NCKAP5: variants seen among roughly 807,000 people sequenced by gnomAD.
NCKAP5 encodes nck-associated protein 5.
Under a neutral mutation model 167.0 loss-of-function variants are expected in NCKAP5, and 92 were observed. The ratio of observed to expected loss-of-function variants is 0.55; its 90% CI spans 0.47 to 0.66. The LOEUF (loss-of-function observed/expected upper bound fraction) is 0.66. NCKAP5 is among the 30% of genes least tolerant of loss of function. NCKAP5 has a pLI of 0.00. For missense variants in NCKAP5, 2,378 were observed against 2,315.0 expected, an observed-to-expected ratio of 1.03 and a Z score of -0.56; for synonymous variants, 891 against 877.4, an observed-to-expected ratio of 1.02 and a Z score of -0.27.
intron 6 of NCKAP5, among the ~76,000 whole-genome samples, chr2:133,111,567 G>A (rs2081912912): frequency 6.6e-6 from 1 of 152,118 alleles, no homozygotes; most frequent in Admixed American, 6.5e-5. Flanking sequence ...ATGTGCACAG[G>A]TAGAACCTCA....
At chr2:133,035,812 GAAGAA>G (rs1417402383) in intron 6 of NCKAP5, among the ~76,000 whole-genome samples, 1 of 151,716 alleles carries the variant, frequency 6.6e-6, no homozygotes, top group Non-Finnish European at 1.5e-5. Context: ...AAAATTAGTA[GAAGAA>G]AAGAAATAAT....
At position 133,133,471 on chromosome 2, in the gene NCKAP5, A is replaced by G. The variant is rs558335844; in HGVS notation, c.208-3360T>C. 1.3e-5 allele frequency among the ~76,000 whole-genome samples: 2 copies of G among 152,324 alleles called. 1 individual carries two copies. Among genetic ancestry groups the G allele is most frequent in the South Asian group, 4.1e-4 (2 of 4,824 alleles). On this transcript the variant is annotated intron_variant, in intron 5 of 19. Coordinates refer to ENST00000409261, the MANE Select transcript of NCKAP5 (RefSeq NM_207363.3). Reference sequence around the variant, plus strand: ...AGCAAAGATCTCAAATCGCTGCACCAGAACACAAGCAACAGCTCAAAGGCT... The same window carrying G: ...AGCAAAGATCTCAAATCGCTGCACCGGAACACAAGCAACAGCTCAAAGGCT...
At chr2:132,980,357 C>A (rs2077097239) in intron 7 of NCKAP5, among the ~76,000 whole-genome samples, 1 of 152,112 alleles carries the variant, frequency 6.6e-6, no homozygotes, top group African/African-American at 2.4e-5. Flanking sequence ...AATCCTCATG[C>A]CCAGGCCACA....
the NCKAP5 span, among the ~76,000 whole-genome samples, chr2:133,662,881 G>A: frequency 6.6e-6 from 1 of 151,792 alleles, no homozygotes; most frequent in African/African-American, 2.4e-5. Context: ...CATATAGAAA[G>A]TGATGTTCAC....
chr2:132,847,549 T>C (rs1169622430), intron 11 of NCKAP5, among the ~76,000 whole-genome samples: 1 of 152,222 alleles, frequency 6.6e-6, no homozygotes. Context: ...ATCATCGCTT[T>C]TGGCAATGCT....
chr2:133,013,489 G>A (rs1242950152), intron 6 of NCKAP5, among the ~76,000 whole-genome samples: 1 of 152,162 alleles, frequency 6.6e-6, no homozygotes, highest in East Asian at 1.9e-4. Flanking sequence ...AGCTTGTGCA[G>A]GGAAATTCCC....
At chr2:133,157,313 ATTC>A (rs1442716414) in intron 5 of NCKAP5, among the ~76,000 whole-genome samples, 1 of 152,196 alleles carries the variant, frequency 6.6e-6, no homozygotes, top group Non-Finnish European at 1.5e-5. Flanking sequence ...CATTTGCTAC[ATTC>A]TTCTTCAGTG....
chr2:132,747,563 G>A (rs1395872213), intron 16 of NCKAP5, among the ~76,000 whole-genome samples: 1 of 110,800 alleles, frequency 9.0e-6, no homozygotes, highest in Non-Finnish European at 1.9e-5. Flanking sequence ...CAGTAGGGTG[G>A]GGATCCCTGG....
At chr2:133,399,751 T>C (rs558599801) in intron 3 of NCKAP5, among the ~76,000 whole-genome samples, 50 of 152,246 alleles carry the variant, frequency 3.3e-4, no homozygotes, top group African/African-American at 1.1e-3. Context: ...ACAGACTACA[T>C]AACACAGTAC....
At chr2:133,158,373 A>G (rs570406194) in intron 5 of NCKAP5, among the ~76,000 whole-genome samples, 164 of 152,282 alleles carry the variant, frequency 1.1e-3, no homozygotes, top group South Asian at 2.9e-3. Context: ...TCTTCCATTT[A>G]TTTTTAAGAA....
chr2:133,671,740 C>A, the NCKAP5 span, among the ~76,000 whole-genome samples: 1 of 151,580 alleles, frequency 6.6e-6, no homozygotes, highest in Non-Finnish European at 1.5e-5. Context: ...CTGGTATACA[C>A]AACAACAACA....
Position 132,784,802 on chromosome 2 carries a change from A to G in NCKAP5, c.2009T>C (p.Ile670Thr). 5.0e-6 allele frequency: 8 copies of G among 1,599,464 alleles called. No homozygotes were observed. The highest frequency in any genetic ancestry group is 6.8e-6 in the Non-Finnish European group (8 of 1,171,288). ...GGGCTCACCGTCTTCCGCATCAAATATCACAGTCACACATTCTTCTGAAGA... is the reference window on the plus strand; with the variant it reads ...GGGCTCACCGTCTTCCGCATCAAATGTCACAGTCACACATTCTTCTGAAGA... ...RTSSEECVTV[I>T]FDAEDGEPIE... Residue 670 changes from isoleucine (I) to threonine (T), a missense_variant, in exon 14 of 20, where the codon ATA becomes ACA. Coordinates refer to ENST00000409261, the MANE Select transcript of NCKAP5 (RefSeq NM_207363.3).
At chr2:133,251,323 T>G (rs2088311788) in intron 4 of NCKAP5, among the ~76,000 whole-genome samples, 1 of 152,170 alleles carries the variant, frequency 6.6e-6, no homozygotes, top group East Asian at 1.9e-4. Flanking sequence ...CAGTGAGGGA[T>G]GCCTGTATCT....
intron 7 of NCKAP5, among the ~76,000 whole-genome samples, chr2:132,971,788 T>C (rs1173517816): frequency 6.6e-6 from 1 of 152,024 alleles, no homozygotes; most frequent in Non-Finnish European, 1.5e-5. Flanking sequence ...AGCATCAGAG[T>C]TGACAGGGGC....
intron 6 of NCKAP5, among the ~76,000 whole-genome samples, chr2:133,089,583 ACTC>A (rs1161411330): frequency 2.6e-5 from 4 of 152,210 alleles, no homozygotes; most frequent in Non-Finnish European, 2.9e-5. Context: ...AAAACAAAGT[ACTC>A]TTCATTTACA....
intron 6 of NCKAP5, among the ~76,000 whole-genome samples, chr2:133,047,938 T>C (rs1465186066): frequency 1.3e-5 from 2 of 152,214 alleles, no homozygotes; most frequent in African/African-American, 4.8e-5. Flanking sequence ...TTGGCATGCA[T>C]GCACATTGAA....
intron 19 of NCKAP5, among the ~76,000 whole-genome samples, chr2:132,678,966 A>G (rs866512167): frequency 6.6e-6 from 1 of 152,152 alleles, no homozygotes; most frequent in Non-Finnish European, 1.5e-5. Context: ...AATATTCTTA[A>G]TTGGATATCT....
At chr2:133,130,332 A>G (rs2082556321) in intron 5 of NCKAP5, among the ~76,000 whole-genome samples, 1 of 152,188 alleles carries the variant, frequency 6.6e-6, no homozygotes, top group Non-Finnish European at 1.5e-5. Context: ...CCAGAAGGTA[A>G]TAGATCTTGA....
intron 4 of NCKAP5, among the ~76,000 whole-genome samples, chr2:133,258,951 A>G (rs1177069903): frequency 2.6e-5 from 4 of 152,238 alleles, no homozygotes; most frequent in Non-Finnish European, 5.9e-5. Context: ...CTAGCCTTCC[A>G]GAAAGAGGGG....
Sources: gnomAD v4.1 joint callset for allele counts (sites outside exome capture counted in the v4.1 genomes callset) on GRCh38, gnomAD v4.1.1 for gene constraint, MANE v1.5 for transcripts, NCBI Gene and HGNC (gene_info 2026-07-23, HGNC 2026-07-21) for gene names.